The following SLC2A9 variants were observed in gnomAD, a reference collection of about 807,000 sequenced individuals.
SLC2A9 encodes the protein solute carrier family 2, facilitated glucose transporter member 9.
A neutral mutation model predicts 50.6 loss-of-function variants in SLC2A9; 39 were observed. The ratio of observed to expected loss-of-function variants is 0.77; its 90% CI spans 0.60 to 1.01. SLC2A9 has a LOEUF of 1.01. Among genes scored for constraint, SLC2A9 ranks in the 50% least tolerant of loss-of-function variants. The pLI, the probability that SLC2A9 is intolerant of heterozygous loss-of-function variation, is 0.00. For missense variants in SLC2A9, 686 were observed against 677.6 expected, an observed-to-expected ratio of 1.01 and a Z score of -0.14; for synonymous variants, 324 against 276.9, an observed-to-expected ratio of 1.17 and a Z score of -1.69.
chr4:9,925,404 C>T (rs545412221), intron 6 of SLC2A9, among the ~76,000 whole-genome samples: 115 of 152,176 alleles, frequency 7.6e-4, no homozygotes, highest in East Asian at 5.8e-4. Context: ...CCCCTGGGAG[C>T]GCCCCCTGAC....
chr4:9,916,152 A>G (rs1742811112), intron 7 of SLC2A9, among the ~76,000 whole-genome samples: 1 of 152,228 alleles, frequency 6.6e-6, no homozygotes, highest in African/African-American at 2.4e-5. Flanking sequence ...GACAGCAGAC[A>G]ACACAGGTCC....
chr4:10,001,176 C>T (rs972305539), intron 2 of SLC2A9, among the ~76,000 whole-genome samples: 4 of 152,166 alleles, frequency 2.6e-5, no homozygotes, highest in Non-Finnish European at 4.4e-5. Context: ...TGTTCCCCTC[C>T]AAACTTCATA....
chr4:10,003,512 C>T (rs1760219053), intron 2 of SLC2A9, among the ~76,000 whole-genome samples: 1 of 152,192 alleles, frequency 6.6e-6, no homozygotes, highest in African/African-American at 2.4e-5. Flanking sequence ...AGACTTGCTG[C>T]ATAGCCTAGG....
At chr4:10,005,053 AG>A (rs1760539418) in intron 2 of SLC2A9, among the ~76,000 whole-genome samples, 1 of 152,194 alleles carries the variant, frequency 6.6e-6, no homozygotes, top group Admixed American at 6.5e-5. Context: ...CCTCACTACC[AG>A]GGGCCCAGCT....
At chr4:9,862,074 G>T (rs4697901) in intron 10 of SLC2A9, among the ~76,000 whole-genome samples, 144,133 of 152,010 alleles carry the variant, frequency 0.95, 68,466 homozygotes, top group Middle Eastern at 0.97. Flanking sequence ...CTGAAGGCAT[G>T]TAAAAAGAAG....
chr4:10,012,119 A>T (rs1471098687), intron 2 of SLC2A9, among the ~76,000 whole-genome samples: 1 of 152,244 alleles, frequency 6.6e-6, no homozygotes, highest in African/African-American at 2.4e-5. Flanking sequence ...CCATATGGCC[A>T]ACAAAGAAAA....
rs1451193958 is a variant in SLC2A9 at position 9,826,424 on chromosome 4, A to G, written c.1596T>C (p.Thr532=). 6.2e-7 allele frequency: 1 copy of G among 1,614,078 alleles called. No homozygotes were observed. Among genetic ancestry groups the G allele is most frequent in the Non-Finnish European group, 8.5e-7 (1 of 1,179,960 alleles). Residue 532 remains threonine (T), a synonymous_variant, in exon 12 of 12, where the codon ACT becomes ACC. Coordinates refer to ENST00000264784, the MANE Select transcript of SLC2A9 (RefSeq NM_020041.3). ...AAGGCCTTCCATTTATCTTACCATC[A>G]GTGACAGCTGAGTCGATTTTCTCTT... The part of the protein sequence containing the change: ...PPEEKIDSAV[T]DGKINGRP
chr4:9,816,192 T>TAAAC (rs1356711240), intron 3 of SLC2A9, among the ~76,000 whole-genome samples: 4 of 151,684 alleles, frequency 2.6e-5, no homozygotes, highest in Non-Finnish European at 5.9e-5. Context: ...AATAAATAAA[T>TAAAC]AAATAAATAG....
At chr4:9,948,929 T>G (rs941438660) in intron 5 of SLC2A9, among the ~76,000 whole-genome samples, 2 of 152,292 alleles carry the variant, frequency 1.3e-5, no homozygotes, top group Middle Eastern at 3.4e-3. Context: ...TGACAAAAAT[T>G]ATTTACTTGG....
intron 10 of SLC2A9, among the ~76,000 whole-genome samples, chr4:9,884,526 C>T (rs1735824305): frequency 6.6e-6 from 1 of 151,970 alleles, no homozygotes; most frequent in African/African-American, 2.4e-5. Flanking sequence ...AGCCATTGGC[C>T]ATCTGTGCAA....
At chr4:9,772,206 C>A (rs951621244) in intron 1 of SLC2A9, among the ~76,000 whole-genome samples, 1 of 152,000 alleles carries the variant, frequency 6.6e-6, no homozygotes, top group Non-Finnish European at 1.5e-5. Context: ...GCTCTGGCAG[C>A]CATGCAAGCA....
At chr4:10,024,955 C>T (rs192641644), upstream of SLC2A9, among the ~76,000 whole-genome samples, 34 of 152,316 alleles carry the variant, frequency 2.2e-4, no homozygotes, top group African/African-American at 6.0e-4. Flanking sequence ...AAAGATATAG[C>T]GTCCACTTAG....
intron 8 of SLC2A9, among the ~76,000 whole-genome samples, chr4:9,898,488 T>C (rs1738979381): frequency 6.6e-6 from 1 of 152,252 alleles, no homozygotes; most frequent in South Asian, 2.1e-4. Flanking sequence ...ATTCAATGTG[T>C]ATATCTCTCT....
chr4:10,026,675 A>G lies in SLC2A9; in HGVS notation c.-40-669T>C, dbSNP rs146140877. ...CTATCCATATAGCGGAAAATTACTC[A>G]GCAATAAACAGAAGTGAAGCGCTGA... is the stretch of plus-strand genomic sequence containing the variant. On this transcript the variant is annotated intron_variant, in intron 1 of 12. Transcript: ENST00000309065. Among the ~76,000 whole-genome samples the G allele has an allele frequency of 2.0e-5, 3 of 152,354 alleles. No homozygotes were observed. In the East Asian group the frequency reaches 5.8e-4, roughly 29 times the overall value.
At chr4:9,799,950 G>A (rs890409615) in intron 3 of SLC2A9, among the ~76,000 whole-genome samples, 2 of 152,228 alleles carry the variant, frequency 1.3e-5, no homozygotes, top group Non-Finnish European at 2.9e-5. Flanking sequence ...AAGGGCGGAT[G>A]ATGTGCTGAA....
intron 8 of SLC2A9, among the ~76,000 whole-genome samples, chr4:9,898,300 T>C (rs568094639): frequency 6.6e-6 from 1 of 152,330 alleles, no homozygotes; most frequent in South Asian, 2.1e-4. Context: ...AACTATTATA[T>C]GACAATAAAC....
intron 6 of SLC2A9, among the ~76,000 whole-genome samples, chr4:9,939,825 C>G (rs1156313026): frequency 6.6e-6 from 1 of 152,112 alleles, no homozygotes. Context: ...TGTCACCTGG[C>G]AGAACACCCA....
At chr4:9,964,202 C>G (rs573148524) in intron 5 of SLC2A9, among the ~76,000 whole-genome samples, 1 of 152,018 alleles carries the variant, frequency 6.6e-6, no homozygotes, top group Non-Finnish European at 1.5e-5. Context: ...TTATACATGT[C>G]GTGTAGGTTT....
intron 8 of SLC2A9, among the ~76,000 whole-genome samples, chr4:9,898,735 G>A (rs189530298): frequency 1.3e-5 from 2 of 152,170 alleles, no homozygotes; most frequent in African/African-American, 2.4e-5. Flanking sequence ...CTGATTGTGC[G>A]CAGGGGCCCT....
Sources: allele counts gnomAD v4.1 joint callset (sites outside exome capture counted in the v4.1 genomes callset), GRCh38; gene constraint gnomAD v4.1.1; transcripts MANE v1.5; gene names NCBI Gene and HGNC (gene_info 2026-07-23, HGNC 2026-07-21).